Variants in DCLK2 observed in about 807,000 individuals in gnomAD.
The protein encoded by DCLK2 is serine/threonine-protein kinase DCLK2.
A neutral mutation model predicts 78.4 loss-of-function variants in DCLK2; 31 were observed. That is an observed-to-expected ratio of 0.40 (90% CI 0.30 to 0.53). DCLK2 has a LOEUF of 0.53. Among genes scored for constraint, DCLK2 ranks in the 20% least tolerant of loss-of-function variants. DCLK2 has a pLI of 0.61. For missense variants in DCLK2, 872 were observed against 973.7 expected (o/e 0.90, Z 1.39); for synonymous variants, 407 against 374.9 (o/e 1.09, Z -0.99).
chr4:150,097,989 C>A (rs912580388), intron 1 of DCLK2, among the ~76,000 whole-genome samples: 2 of 152,176 alleles, frequency 1.3e-5, no homozygotes, highest in Non-Finnish European at 2.9e-5. Context: ...GGGTTTATTA[C>A]TTGTTCCAAT....
rs768235558 is a variant in DCLK2 at position 150,224,576 on chromosome 4, C to T, written c.1299+18C>T. 1 of 1,593,546 alleles carries T rather than the reference C, an allele frequency of 6.3e-7. No homozygotes were observed. Among genetic ancestry groups the T allele is most frequent in the South Asian group, 1.2e-5 (1 of 86,904 alleles). On this transcript the variant is annotated intron_variant, in intron 8 of 15. Transcript: ENST00000296550. ...GTGGAAAGGTATAGTATGCATAACC[C>T]CTAGTTCTGAAAGAAACTAGAGTAA... is the stretch of plus-strand genomic sequence containing the variant.
chr4:150,129,060 A>G (rs894713986), intron 2 of DCLK2, among the ~76,000 whole-genome samples: 2 of 152,116 alleles, frequency 1.3e-5, no homozygotes, highest in Non-Finnish European at 2.9e-5. Context: ...ACCTGACATA[A>G]CTATTCATTA....
At chr4:150,106,213 A>G (rs116508793) in intron 2 of DCLK2, among the ~76,000 whole-genome samples, 1,697 of 151,606 alleles carry the variant, frequency 0.011, 33 homozygotes, top group African/African-American at 0.039. Flanking sequence ...TCCATGTTGT[A>G]CTATATAGGT....
At chr4:150,199,927 C>G (rs1345982203) in intron 4 of DCLK2, among the ~76,000 whole-genome samples, 3 of 152,130 alleles carry the variant, frequency 2.0e-5, no homozygotes, top group African/African-American at 7.2e-5. Flanking sequence ...TCCCTTGAGG[C>G]CAGGAGTTTG....
intron 2 of DCLK2, among the ~76,000 whole-genome samples, chr4:150,112,152 A>G (rs1731739932): frequency 6.6e-6 from 1 of 152,120 alleles, no homozygotes; most frequent in Admixed American, 6.5e-5. Flanking sequence ...AGTGTATTGT[A>G]GTTCTCCTTC....
chr4:150,176,477 A>C (rs189409309), intron 2 of DCLK2, among the ~76,000 whole-genome samples: 225 of 152,244 alleles, frequency 1.5e-3, no homozygotes, highest in Middle Eastern at 3.4e-3. Context: ...CTACGTTCCC[A>C]AGTTTCCTTG....
intron 8 of DCLK2, among the ~76,000 whole-genome samples, 154 bp downstream of exon 8, chr4:150,224,712 C>T (rs1741468461): frequency 6.6e-6 from 1 of 152,088 alleles, no homozygotes; most frequent in Non-Finnish European, 1.5e-5. Flanking sequence ...CGGTTTTATT[C>T]CTGCTATTTT....
At chr4:150,240,027 G>T (rs1742795830) in intron 11 of DCLK2, 152 bp downstream of exon 11, 2 of 672,936 alleles carry the variant, frequency 3.0e-6, no homozygotes, top group Non-Finnish European at 2.5e-6. Context: ...GGTCTGTTTT[G>T]TTGCTATTGC....
chr4:150,240,352 C>T, intron 11 of DCLK2, 47 bp from the exon 12 acceptor site: 4 of 1,554,532 alleles, frequency 2.6e-6, no homozygotes, highest in Non-Finnish European at 3.6e-6. Flanking sequence ...ATGGAAGGGT[C>T]TTGGGAGCCA....
intron 10 of DCLK2, among the ~76,000 whole-genome samples, chr4:150,234,225 C>G (rs955940196): frequency 6.6e-6 from 1 of 152,212 alleles, no homozygotes. Flanking sequence ...TCTTCTTTAA[C>G]ATCACTCTAG....
At chr4:150,126,242 A>G (rs941539001) in intron 2 of DCLK2, among the ~76,000 whole-genome samples, 1 of 152,226 alleles carries the variant, frequency 6.6e-6, no homozygotes, top group Non-Finnish European at 1.5e-5. Flanking sequence ...TCATTCAGCT[A>G]TTATTTTGTG....
intron 2 of DCLK2, among the ~76,000 whole-genome samples, chr4:150,106,465 A>G (rs1019204294): frequency 2.0e-5 from 3 of 152,260 alleles, no homozygotes; most frequent in African/African-American, 7.2e-5. Flanking sequence ...GATGAAGAGA[A>G]AGGAATGAGA....
At chr4:150,160,302 G>A (rs1735614682) in intron 2 of DCLK2, among the ~76,000 whole-genome samples, 1 of 152,134 alleles carries the variant, frequency 6.6e-6, no homozygotes, top group African/African-American at 2.4e-5. Context: ...GCAAGTGTGA[G>A]CCACCATGCC....
At chr4:150,173,798 G>A (rs910873671) in intron 2 of DCLK2, among the ~76,000 whole-genome samples, 1 of 152,132 alleles carries the variant, frequency 6.6e-6, no homozygotes, top group Admixed American at 6.5e-5. Flanking sequence ...ATGAGGTTGG[G>A]AGAGAAAAGA....
chr4:150,096,255 C>T (rs28654919), intron 1 of DCLK2, among the ~76,000 whole-genome samples: 21,964 of 152,124 alleles, frequency 0.14, 1,970 homozygotes, highest in Non-Finnish European at 0.21. Context: ...GATGACTGAA[C>T]AGTGGTTATT....
chr4:150,130,419 C>A (rs1374553134), intron 2 of DCLK2, among the ~76,000 whole-genome samples: 3 of 152,028 alleles, frequency 2.0e-5, no homozygotes, highest in Non-Finnish European at 4.4e-5. Flanking sequence ...AGAGACTGTT[C>A]CCATCCATCA....
intron 14 of DCLK2, 36 bp from the exon 15 acceptor site, chr4:150,249,532 A>T (rs1164537741): frequency 2.5e-6 from 4 of 1,584,744 alleles, no homozygotes; most frequent in Non-Finnish European, 2.6e-6. Context: ...GGGAGGATGG[A>T]AAAAGCATTG....
At chr4:150,240,840 A>G (rs1742877870) in intron 12 of DCLK2, among the ~76,000 whole-genome samples, 1 of 151,346 alleles carries the variant, frequency 6.6e-6, no homozygotes, top group Admixed American at 6.6e-5. Context: ...CTATTAATGT[A>G]TATTCTCATT....
intron 2 of DCLK2, among the ~76,000 whole-genome samples, chr4:150,190,033 T>TAAAAAAAA (rs1738280164): frequency 2.1e-4 from 1 of 4,676 alleles, no homozygotes; most frequent in African/African-American, 5.4e-4. Context: ...AGACCCTGTC[T>TAAAAAAAA]CAAAAAAAAA....
Sources: gnomAD v4.1 joint callset for allele counts (sites outside exome capture counted in the v4.1 genomes callset) on GRCh38, gnomAD v4.1.1 for gene constraint, MANE v1.5 for transcripts, NCBI Gene and HGNC (gene_info 2026-07-23, HGNC 2026-07-21) for gene names.